Variants in MAD1L1 observed in about 807,000 individuals in gnomAD.
MAD1L1 encodes mitotic spindle assembly checkpoint protein MAD1.
Under a neutral mutation model 96.9 loss-of-function variants are expected in MAD1L1, and 95 were observed. The ratio of observed to expected loss-of-function variants is 0.98; its 90% CI spans 0.83 to 1.16. The LOEUF is 1.16. Ranked by LOEUF, MAD1L1 falls within the 50% of genes most tolerant of loss-of-function variation. The pLI is 0.00. For missense variants in MAD1L1, 1,007 were observed against 954.4 expected, an observed-to-expected ratio of 1.06 and a Z score of -0.73; for synonymous variants, 473 against 396.6, an observed-to-expected ratio of 1.19 and a Z score of -2.29.
At chr7:2,001,594 G>A (rs1450644568) in intron 14 of MAD1L1, among the ~76,000 whole-genome samples, 1 of 152,222 alleles carries the variant, frequency 6.6e-6, no homozygotes, top group Non-Finnish European at 1.5e-5. Context: ...GGGCAGATAA[G>A]CACTCACTAG....
rs1031640873 is a variant in MAD1L1, at chr7:1,968,702, C to T, written c.1506-10983G>A. On this transcript the variant is annotated intron_variant, in intron 15 of 18. Coordinates refer to ENST00000265854, the MANE Select transcript of MAD1L1 (RefSeq NM_001013836.2). This position sits in a 1 kb window ranked among gnomAD's most constrained non-coding sequence, Gnocchi z 5.6. ...TGGGACGTGGTGAGAAAGGACTTGT[C>T]GTCTGTGATCTTCCTTCCAAAAACC... Among the ~76,000 whole-genome samples the T allele has an allele frequency of 6.6e-6, 1 of 152,222 alleles. No individual in the cohort carries two copies. The highest frequency in any genetic ancestry group is 2.4e-5 in the African/African-American group (1 of 41,460).
Position 1,985,703 on chromosome 7 carries a change from G to A in MAD1L1, c.1417-5162C>T, listed in dbSNP as rs190886321. Among the ~76,000 whole-genome samples the A allele has an allele frequency of 3.9e-5, 6 of 152,252 alleles. No homozygotes were observed. In the East Asian group the frequency reaches 9.6e-4, roughly 24 times the overall value. On this transcript the variant is annotated intron_variant, in intron 14 of 18. Transcript: ENST00000265854. ...ACATTCACTTCATCTTCCAATTCAG[G>A]AGATGGAACTCTTGCTGCGGGTTCT...
At chr7:1,958,746 A>G (rs951941121) in intron 15 of MAD1L1, among the ~76,000 whole-genome samples, 2 of 152,230 alleles carry the variant, frequency 1.3e-5, no homozygotes, top group African/African-American at 4.8e-5. Context: ...ACCAAGACGC[A>G]GCATTGCACA....
intron 18 of MAD1L1, among the ~76,000 whole-genome samples, chr7:1,858,585 A>G (rs1784371674): frequency 6.6e-6 from 1 of 152,220 alleles, no homozygotes; most frequent in African/African-American, 2.4e-5. Flanking sequence ...TCCCGGCACC[A>G]GGACGCCCGC....
At chr7:1,903,540 A>G (rs1787409328) in intron 17 of MAD1L1, among the ~76,000 whole-genome samples, 1 of 145,234 alleles carries the variant, frequency 6.9e-6, no homozygotes, top group Admixed American at 6.7e-5. Context: ...CCTATGGAAG[A>G]CGCTCTTGCA....
At chr7:2,056,435 G>A (rs982269628) in intron 12 of MAD1L1, among the ~76,000 whole-genome samples, 3 of 151,904 alleles carry the variant, frequency 2.0e-5, no homozygotes, top group African/African-American at 7.3e-5. Flanking sequence ...GGGAAAGAGG[G>A]CTAGATCTCA....
rs1297944152 is a variant in MAD1L1, at chr7:2,225,395, C to T, written c.291+15G>A. 4 of 1,612,166 alleles carry T rather than the reference C, an allele frequency of 2.5e-6. No individual in the cohort carries two copies. The South Asian group carries it at 4.4e-5, about 18-fold the overall frequency. On this transcript the variant is annotated intron_variant, in intron 4 of 18. Coordinates refer to ENST00000265854, the MANE Select transcript of MAD1L1 (RefSeq NM_001013836.2). ...TGGGGCTGTCTGGGCCGACCCTCGC[C>T]CCGCCTGAACCCACCTCGTAGTTCC...
chr7:2,025,435 T>A (rs1240056026), intron 12 of MAD1L1, among the ~76,000 whole-genome samples: 1 of 152,236 alleles, frequency 6.6e-6, no homozygotes, highest in African/African-American at 2.4e-5. Flanking sequence ...TGATAACCTA[T>A]GATTTTATAC....
At chr7:2,003,450 G>A (rs1009103381) in intron 13 of MAD1L1, among the ~76,000 whole-genome samples, 1 of 152,096 alleles carries the variant, frequency 6.6e-6, no homozygotes, top group African/African-American at 2.4e-5. Flanking sequence ...TGCAGACCAT[G>A]GGCCCCCAAG....
intron 18 of MAD1L1, among the ~76,000 whole-genome samples, chr7:1,857,860 G>A (rs1784334858): frequency 6.6e-6 from 1 of 152,206 alleles, no homozygotes; most frequent in South Asian, 2.1e-4. Flanking sequence ...GGCAGGTGGT[G>A]CCTGGGGACC....
At chr7:2,059,149 G>A (rs1246293559) in intron 12 of MAD1L1, among the ~76,000 whole-genome samples, 1 of 134,916 alleles carries the variant, frequency 7.4e-6, no homozygotes, top group Admixed American at 7.2e-5. Context: ...GAGAGGGAGT[G>A]TGGCCAGAGG....
intron 12 of MAD1L1, among the ~76,000 whole-genome samples, chr7:2,033,246 G>A (rs979044804): frequency 2.6e-5 from 4 of 152,180 alleles, no homozygotes; most frequent in East Asian, 1.9e-4. Flanking sequence ...AACGCACCCC[G>A]GGGGCACAGA....
intron 17 of MAD1L1, among the ~76,000 whole-genome samples, chr7:1,915,762 G>A (rs893968286): frequency 6.6e-5 from 10 of 152,192 alleles, no homozygotes; most frequent in South Asian, 2.1e-4. Context: ...ATGTCCACAC[G>A]GAGACAGTGA....
intron 11 of MAD1L1, among the ~76,000 whole-genome samples, chr7:2,077,423 G>A (rs998407233): frequency 3.3e-5 from 5 of 152,176 alleles, no homozygotes; most frequent in African/African-American, 9.7e-5. Flanking sequence ...TGTCCCCCAG[G>A]ACACCACTGT....
intron 12 of MAD1L1, among the ~76,000 whole-genome samples, chr7:2,056,083 A>G (rs1324314854): frequency 6.6e-6 from 1 of 152,256 alleles, no homozygotes; most frequent in Non-Finnish European, 1.5e-5. Flanking sequence ...TTGCTGGGCT[A>G]AAACGGGGCC....
intron 12 of MAD1L1, among the ~76,000 whole-genome samples, chr7:2,035,318 A>G (rs1201198320): frequency 1.7e-4 from 24 of 139,196 alleles, no homozygotes; most frequent in East Asian, 6.5e-4. Flanking sequence ...GCGCAGGAGC[A>G]CTGACAAGTC....
intron 11 of MAD1L1, among the ~76,000 whole-genome samples, chr7:2,074,663 GCA>G (rs1175063643): frequency 6.6e-6 from 1 of 152,266 alleles, no homozygotes; most frequent in Non-Finnish European, 1.5e-5. Context: ...CCCAGGACAG[GCA>G]CTCCCTGGCG....
intron 18 of MAD1L1, among the ~76,000 whole-genome samples, chr7:1,879,332 G>A (rs976456009): frequency 2.0e-5 from 3 of 152,010 alleles, no homozygotes; most frequent in African/African-American, 4.8e-5. Context: ...GCAGGCGCCT[G>A]TAATCCTAGC....
intron 11 of MAD1L1, among the ~76,000 whole-genome samples, chr7:2,144,280 G>GGGCAGAT (rs1463474777): frequency 6.6e-6 from 1 of 152,230 alleles, no homozygotes; most frequent in Non-Finnish European, 1.5e-5. Context: ...CGCATGGTGA[G>GGGCAGAT]GGCAGATGCG....
Sources: allele counts gnomAD v4.1 joint callset (sites outside exome capture counted in the v4.1 genomes callset), GRCh38; gene constraint gnomAD v4.1.1; non-coding constraint Gnocchi (gnomAD v3.1); transcripts MANE v1.5; gene names NCBI Gene and HGNC (gene_info 2026-07-23, HGNC 2026-07-21).